Variants in DYNC1I1 observed in about 807,000 individuals in gnomAD.
DYNC1I1 encodes the protein cytoplasmic dynein 1 intermediate chain 1.
Under a neutral mutation model 86.6 loss-of-function variants are expected in DYNC1I1, and 43 were observed. That is an observed-to-expected ratio of 0.50 (90% CI 0.39 to 0.64). DYNC1I1 has a LOEUF of 0.64. Among genes scored for constraint, DYNC1I1 ranks in the 30% least tolerant of loss-of-function variants. The probability of loss-of-function intolerance (pLI) is 0.00; values close to 1 mark genes in which losing one functional copy is unlikely to be tolerated. For synonymous variants in DYNC1I1, 262 were observed against 283.7 expected, an observed-to-expected ratio of 0.92 and a Z score of 0.77; for missense variants, 604 against 788.8, an observed-to-expected ratio of 0.77 and a Z score of 2.81.
intron 6 of DYNC1I1, among the ~76,000 whole-genome samples, chr7:95,918,990 T>C (rs1791541908): frequency 6.6e-6 from 1 of 152,150 alleles, no homozygotes; most frequent in Non-Finnish European, 1.5e-5. Context: ...ACTCTAGCCT[T>C]TGAGGACAAG....
chr7:95,898,275 A>G (rs1456650122), intron 6 of DYNC1I1, among the ~76,000 whole-genome samples: 1 of 152,226 alleles, frequency 6.6e-6, no homozygotes, highest in Non-Finnish European at 1.5e-5. Flanking sequence ...GTGTTAATTT[A>G]GGAAATCCCG....
intron 6 of DYNC1I1, among the ~76,000 whole-genome samples, chr7:95,907,584 G>C (rs1791208839): frequency 6.6e-6 from 1 of 151,902 alleles, no homozygotes; most frequent in African/African-American, 2.4e-5. Context: ...TGTTTAACTA[G>C]CCCCAACCCC....
intron 10 of DYNC1I1, among the ~76,000 whole-genome samples, chr7:96,002,697 T>A (rs1794041087): frequency 6.6e-6 from 1 of 152,162 alleles, no homozygotes; most frequent in Non-Finnish European, 1.5e-5. Context: ...GGGTTGTGAC[T>A]GAGGGGTTCT....
At chr7:95,937,502 G>T in intron 6 of DYNC1I1, among the ~76,000 whole-genome samples, 1 of 138,516 alleles carries the variant, frequency 7.2e-6, no homozygotes, top group Non-Finnish European at 1.5e-5. Flanking sequence ...TTTAATCTTC[G>T]TTCAAAAAAA....
intron 2 of DYNC1I1, among the ~76,000 whole-genome samples, chr7:95,807,357 C>T (rs574067141): frequency 4.6e-5 from 7 of 152,076 alleles, no homozygotes; most frequent in Non-Finnish European, 8.8e-5. Flanking sequence ...TCTCCAATCA[C>T]GTGAAGGAGT....
At chr7:95,789,342 A>G (rs1242590737) in intron 1 of DYNC1I1, among the ~76,000 whole-genome samples, 1 of 152,240 alleles carries the variant, frequency 6.6e-6, no homozygotes, top group African/African-American at 2.4e-5. Flanking sequence ...CATGGTCTGC[A>G]GGGAATATGT....
rs554114358 is a variant in DYNC1I1, at chr7:96,051,660, T to G, written c.1509+12239T>G. On this transcript the variant is annotated intron_variant, in intron 14 of 16. Transcript: ENST00000447467. The stretch of plus-strand genomic sequence containing the variant: ...TTCTAAGTGACTGGAGAATTATGAC[T>G]TTGCACAAATTAGAAAGATAATCTT... Among the ~76,000 whole-genome samples, 10 of 152,320 alleles carry G rather than the reference T, an allele frequency of 6.6e-5. No homozygotes were observed. In the East Asian group the frequency reaches 1.9e-3, roughly 29 times the overall value.
chr7:95,884,754 C>T (rs753488370), intron 6 of DYNC1I1, among the ~76,000 whole-genome samples: 22 of 147,774 alleles, frequency 1.5e-4, no homozygotes, highest in Non-Finnish European at 2.2e-4. Context: ...GGCAATATAG[C>T]GAGACCCCGT....
intron 14 of DYNC1I1, among the ~76,000 whole-genome samples, chr7:96,046,508 C>T (rs562870775): frequency 2.0e-5 from 3 of 152,214 alleles, no homozygotes; most frequent in East Asian, 1.9e-4. Context: ...CACAAGAGAG[C>T]GTAAATAACT....
chr7:95,829,257 A>T (rs1018440248), intron 5 of DYNC1I1, among the ~76,000 whole-genome samples: 1 of 152,158 alleles, frequency 6.6e-6, no homozygotes, highest in Non-Finnish European at 1.5e-5. Context: ...GTTAAATGCC[A>T]TCTGCCTGTG....
chr7:95,994,396 C>A (rs1317091826), intron 9 of DYNC1I1, among the ~76,000 whole-genome samples: 1 of 152,124 alleles, frequency 6.6e-6, no homozygotes, highest in African/African-American at 2.4e-5. Flanking sequence ...ACAAAGGGAG[C>A]TGATAACAGG....
chr7:95,867,809 T>C (rs533023209), intron 5 of DYNC1I1, among the ~76,000 whole-genome samples: 2 of 152,262 alleles, frequency 1.3e-5, no homozygotes, highest in Admixed American at 1.3e-4. Flanking sequence ...TAAAGACTGA[T>C]CTACTGGGGC....
At chr7:95,949,361 A>G (rs1382765380) in intron 6 of DYNC1I1, among the ~76,000 whole-genome samples, 4 of 152,178 alleles carry the variant, frequency 2.6e-5, no homozygotes, top group Non-Finnish European at 4.4e-5. Context: ...TAAGCGACCC[A>G]TTACTGCCCT....
chr7:96,095,342 A>G lies in DYNC1I1; in HGVS notation c.1777-2141A>G, dbSNP rs973561089. On this transcript the variant is annotated intron_variant, in intron 16 of 16. Coordinates refer to ENST00000447467, the MANE Select transcript of DYNC1I1 (RefSeq NM_001135556.2). ...GACTACTACATGAAACTATGTAAATACATTTACCTATTTTATTGTTAATAG... is the reference window on the plus strand; with the variant it reads ...GACTACTACATGAAACTATGTAAATGCATTTACCTATTTTATTGTTAATAG... 3.3e-5 allele frequency among the ~76,000 whole-genome samples: 5 copies of G among 152,254 alleles called. No individual in the cohort carries two copies. In the South Asian group the frequency reaches 1.0e-3, roughly 32 times the overall value.
chr7:95,961,123 T>A (rs1792856327), intron 6 of DYNC1I1, among the ~76,000 whole-genome samples: 1 of 152,198 alleles, frequency 6.6e-6, no homozygotes. Flanking sequence ...TGAGAGTGTG[T>A]CAGGTAATCC....
At chr7:96,064,238 CT>C in intron 14 of DYNC1I1, among the ~76,000 whole-genome samples, 1 of 151,744 alleles carries the variant, frequency 6.6e-6, no homozygotes, top group African/African-American at 2.4e-5. Context: ...CTCTCTCTCT[CT>C]CTCTCTCTCC....
At chr7:95,974,264 G>A (rs1793247363) in intron 6 of DYNC1I1, among the ~76,000 whole-genome samples, 1 of 152,112 alleles carries the variant, frequency 6.6e-6, no homozygotes, top group Non-Finnish European at 1.5e-5. Flanking sequence ...AGCTCCATGA[G>A]CACAGAGATT....
chr7:96,049,075 C>T (rs953807365), intron 14 of DYNC1I1, among the ~76,000 whole-genome samples: 5 of 151,794 alleles, frequency 3.3e-5, no homozygotes, highest in Admixed American at 6.6e-5. Context: ...ACGGCTAACA[C>T]GGTGAAACCC....
intron 5 of DYNC1I1, among the ~76,000 whole-genome samples, chr7:95,860,268 A>G (rs1304751852): frequency 6.6e-6 from 1 of 152,194 alleles, no homozygotes; most frequent in African/African-American, 2.4e-5. Flanking sequence ...GCAGTTGCTT[A>G]TATGATGTTG....
Sources: gnomAD v4.1 joint callset for allele counts (sites outside exome capture counted in the v4.1 genomes callset) on GRCh38, gnomAD v4.1.1 for gene constraint, MANE v1.5 for transcripts, NCBI Gene and HGNC (gene_info 2026-07-23, HGNC 2026-07-21) for gene names.